IPMK: variants seen among roughly 807,000 people sequenced by gnomAD.
IPMK encodes the protein inositol polyphosphate multikinase.
A neutral mutation model predicts 45.8 loss-of-function variants in IPMK; 17 were observed. The ratio of observed to expected loss-of-function variants is 0.37; its 90% CI spans 0.25 to 0.56. IPMK has a LOEUF of 0.56. Ranked by LOEUF, IPMK falls within the 20% of genes least tolerant of loss-of-function variation. The pLI, the probability that IPMK is intolerant of heterozygous loss-of-function variation, is 0.79. For missense variants in IPMK, 399 were observed against 498.0 expected (o/e 0.80, Z 1.89); for synonymous variants, 180 against 184.3 (o/e 0.98, Z 0.19).
At chr10:58,249,766 T>C (rs899944784) in intron 1 of IPMK, among the ~76,000 whole-genome samples, 4 of 152,234 alleles carry the variant, frequency 2.6e-5, no homozygotes, top group African/African-American at 9.6e-5. Flanking sequence ...AGAAAATCTT[T>C]GCCCAGACCA....
intron 1 of IPMK, among the ~76,000 whole-genome samples, chr10:58,241,980 G>A (rs1054676449): frequency 1.3e-5 from 2 of 151,708 alleles, no homozygotes; most frequent in Admixed American, 1.3e-4. Context: ...CAGTCAAGCA[G>A]AAGAGGTATA....
At position 58,267,490 on chromosome 10, in the gene IPMK, C is replaced by G. The variant is rs1313456320; in HGVS notation, c.122G>C (p.Arg41Pro). The part of the protein sequence containing the change: ...GTPQPAGGRL[R>P]FLNGCVPLSH... ...GAGGGGCACGCAGCCGTTGAGGAAG[C>G]GGAGTCTGCCGCCCGCCGGCTGCGG... The change falls in exon 1 of 6, where the codon CGC becomes CCC. Residue 41 changes from arginine to proline, a missense_variant. Physicochemically the swap from Arg to Pro is moderately radical, Grantham distance 103. This residue lies in a region of IPMK where 111 missense variants were observed against 99.9 expected (regional missense o/e 1.11). Transcript: ENST00000373935. The G allele has an allele frequency of 6.2e-7, 1 of 1,613,496 alleles. No individual in the cohort carries two copies. Among genetic ancestry groups the G allele is most frequent in the Admixed American group, 1.7e-5 (1 of 59,984 alleles).
At chr10:58,250,609 ATGT>A (rs1246625046) in intron 1 of IPMK, among the ~76,000 whole-genome samples, 1 of 152,186 alleles carries the variant, frequency 6.6e-6, no homozygotes, top group Non-Finnish European at 1.5e-5. Context: ...ATATAAAATC[ATGT>A]TGTCTGCAAA....
At chr10:58,240,849 G>A (rs1354198106) in intron 1 of IPMK, among the ~76,000 whole-genome samples, 1 of 152,038 alleles carries the variant, frequency 6.6e-6, no homozygotes, top group Non-Finnish European at 1.5e-5. Context: ...TTTCTTCCAG[G>A]CCGTCAAGAA....
intron 4 of IPMK, among the ~76,000 whole-genome samples, chr10:58,201,832 G>A (rs969276717): frequency 1.3e-5 from 2 of 152,174 alleles, no homozygotes; most frequent in African/African-American, 4.8e-5. Context: ...GCTAACTACA[G>A]TAAACACACA....
At chr10:58,197,564 G>A (rs991833633) in intron 5 of IPMK, among the ~76,000 whole-genome samples, 3 of 150,884 alleles carry the variant, frequency 2.0e-5, no homozygotes, top group Non-Finnish European at 4.4e-5. Context: ...GCAGGAGAAC[G>A]GCGTGAACCC....
At chr10:58,238,581 AT>A (rs1321239746) in intron 1 of IPMK, among the ~76,000 whole-genome samples, 2 of 152,230 alleles carry the variant, frequency 1.3e-5, no homozygotes, top group African/African-American at 4.8e-5. Flanking sequence ...TCAAATAAAC[AT>A]ATTTAGAATT....
intron 1 of IPMK, among the ~76,000 whole-genome samples, chr10:58,253,527 C>A (rs538568134): frequency 1.3e-5 from 2 of 151,956 alleles, no homozygotes; most frequent in Non-Finnish European, 2.9e-5. Flanking sequence ...TCAGGAGTTT[C>A]AGGAGTTCGA....
intron 1 of IPMK, 111 bp from the exon 2 acceptor site, chr10:58,237,925 G>T: frequency 1.3e-6 from 1 of 741,534 alleles, no homozygotes; most frequent in Non-Finnish European, 2.3e-6. Context: ...TAAACTTAAG[G>T]GTTTACTTTT....
chr10:58,216,245 T>C lies in IPMK; in HGVS notation c.446A>G (p.Gln149Arg). The change falls in exon 4 of 6, where the codon CAA becomes CGA. Residue 149 changes from glutamine (Q) to arginine (R), a missense_variant. Physicochemically the swap from Gln to Arg is conservative, Grantham distance 43. This residue lies in a region of IPMK where 288 missense variants were observed against 398.0 expected (regional missense o/e 0.72). Coordinates refer to ENST00000373935, the MANE Select transcript of IPMK (RefSeq NM_152230.5). ...TGAGGCAAAAGGATCATAGCTTTTTTGCCCTATCTTTACATCCATTATACA... is the reference window on the plus strand; with the variant it reads ...TGAGGCAAAAGGATCATAGCTTTTTCGCCCTATCTTTACATCCATTATACA... Reference protein sequence around the residue: ...KPCIMDVKIGQKSYDPFASSE... With the variant: ...KPCIMDVKIGRKSYDPFASSE... 6.2e-7 allele frequency: 1 copy of C among 1,611,506 alleles called. No individual in the cohort carries two copies. Among genetic ancestry groups the C allele is most frequent in the Non-Finnish European group, 8.5e-7 (1 of 1,178,146 alleles).
intron 1 of IPMK, among the ~76,000 whole-genome samples, chr10:58,256,643 A>AT (rs1838972340): frequency 6.6e-6 from 1 of 152,064 alleles, no homozygotes; most frequent in Non-Finnish European, 1.5e-5. Flanking sequence ...GAAATCCCTA[A>AT]TAAAAACTTG....
At chr10:58,235,854 T>C (rs992758417) in intron 2 of IPMK, among the ~76,000 whole-genome samples, 5 of 151,400 alleles carry the variant, frequency 3.3e-5, no homozygotes, top group Non-Finnish European at 7.4e-5. Flanking sequence ...AGACAACCAG[T>C]AGGCTGTTGT....
At chr10:58,231,171 G>C (rs1838511121) in intron 2 of IPMK, among the ~76,000 whole-genome samples, 1 of 152,176 alleles carries the variant, frequency 6.6e-6, no homozygotes, top group African/African-American at 2.4e-5. Flanking sequence ...AGAAATATGG[G>C]ACTATGTGAA....
rs756286097 is a variant in IPMK at position 58,267,628 on chromosome 10, G to A, written c.-17C>T. ...TGTTGCCATAACGGAGAGCAGAAGC[G>A]GTAACGGCAGCGAGAGTAGGAAAAA... is the stretch of plus-strand genomic sequence containing the variant. On this transcript the variant is annotated 5_prime_UTR_variant, in exon 1 of 6. Transcript: ENST00000373935. 10 of 1,560,840 alleles carry A rather than the reference G, an allele frequency of 6.4e-6. No individual in the cohort carries two copies. The highest frequency in any genetic ancestry group is 1.1e-5 in the South Asian group (1 of 87,278).
chr10:58,245,396 G>A (rs1274579935), intron 1 of IPMK, among the ~76,000 whole-genome samples: 5 of 151,898 alleles, frequency 3.3e-5, no homozygotes, highest in South Asian at 2.1e-4. Context: ...GCCGGATCAC[G>A]AGGTCAGGAG....
chr10:58,230,245 C>T (rs974248011), intron 2 of IPMK, among the ~76,000 whole-genome samples: 1 of 152,208 alleles, frequency 6.6e-6, no homozygotes, highest in African/African-American at 2.4e-5. Context: ...CAAAAGGCAA[C>T]AGACAACTTC....
intron 1 of IPMK, among the ~76,000 whole-genome samples, chr10:58,241,342 T>A (rs1838694025): frequency 6.6e-6 from 1 of 152,088 alleles, no homozygotes; most frequent in Non-Finnish European, 1.5e-5. Flanking sequence ...TAAAAAATAA[T>A]AGTAATCTAC....
intron 4 of IPMK, among the ~76,000 whole-genome samples, chr10:58,207,771 G>A (rs1161607292): frequency 6.6e-6 from 1 of 152,096 alleles, no homozygotes; most frequent in African/African-American, 2.4e-5. Context: ...GAATTTCCTA[G>A]GATTTCTTTG....
At chr10:58,211,901 C>CAAAAAAAAAAAAAA (rs753050298) in intron 4 of IPMK, among the ~76,000 whole-genome samples, 674 of 50,336 alleles carry the variant, frequency 0.013, 51 homozygotes, top group African/African-American at 0.055. Context: ...GACATCTCAC[C>CAAAAAAAAAAAAAA]AAAAAAAAAA....
Sources: allele counts gnomAD v4.1 joint callset (sites outside exome capture counted in the v4.1 genomes callset), GRCh38; gene constraint gnomAD v4.1.1; regional missense constraint gnomAD v4.1.1; transcripts MANE v1.5; gene names NCBI Gene and HGNC (gene_info 2026-07-23, HGNC 2026-07-21).